The following NKAIN3 variants were observed in gnomAD, a reference collection of about 807,000 sequenced individuals.
NKAIN3 encodes the protein sodium/potassium-transporting ATPase subunit beta-1-interacting protein 3.
In NKAIN3, 25 loss-of-function variants were observed where a neutral mutation model predicts 30.2. The observed-to-expected ratio is 0.83, with a 90% CI of 0.60 to 1.16. NKAIN3 has a LOEUF of 1.16. NKAIN3 is among the 50% of genes most tolerant of loss of function. The pLI is 0.00. For synonymous variants in NKAIN3, 91 were observed against 89.6 expected (o/e 1.02, Z -0.09); for missense variants, 225 against 254.1 (o/e 0.89, Z 0.78).
chr8:62,964,809 A>AT (rs72538978), intron 6 of NKAIN3, among the ~76,000 whole-genome samples: 10,058 of 146,050 alleles, frequency 0.069, 578 homozygotes, highest in East Asian at 0.3. Flanking sequence ...AAAATAAAAA[A>AT]TTTAAAAAAA....
intron 3 of NKAIN3, among the ~76,000 whole-genome samples, chr8:62,615,473 C>T (rs1811425068): frequency 6.6e-6 from 1 of 152,092 alleles, no homozygotes; most frequent in East Asian, 1.9e-4. Flanking sequence ...TTTTGCTGCC[C>T]TAGCTGGTGT....
intron 1 of NKAIN3, among the ~76,000 whole-genome samples, chr8:62,446,554 C>T (rs1233397977): frequency 6.6e-6 from 1 of 152,024 alleles, no homozygotes; most frequent in Non-Finnish European, 1.5e-5. Context: ...ATCATTGTCT[C>T]TAACCTCCAG....
At chr8:62,343,284 G>T (rs1269207408) in intron 1 of NKAIN3, among the ~76,000 whole-genome samples, 1 of 152,004 alleles carries the variant, frequency 6.6e-6, no homozygotes, top group Non-Finnish European at 1.5e-5. Flanking sequence ...TAGGGTTGTT[G>T]TGAGGATTAA....
At chr8:62,272,428 C>A (rs999386469) in intron 1 of NKAIN3, among the ~76,000 whole-genome samples, 4 of 152,144 alleles carry the variant, frequency 2.6e-5, no homozygotes, top group African/African-American at 9.7e-5. Context: ...TAAATAATAT[C>A]CCCAATGAGA....
intron 3 of NKAIN3, among the ~76,000 whole-genome samples, chr8:62,707,142 G>A (rs1814555066): frequency 6.6e-6 from 1 of 151,732 alleles, no homozygotes; most frequent in African/African-American, 2.4e-5. Flanking sequence ...TGAGCATTTT[G>A]GTTGGATCCA....
Position 62,856,075 on chromosome 8 carries a change from T to C in NKAIN3, c.472-62378T>C. ...ACCAAGGGCTTACACCCCATGAGCA[T>C]CAAACCTGGATCATCAAACTGTTTT... On this transcript the variant is annotated intron_variant, in intron 4 of 6. Coordinates refer to ENST00000623646, the MANE Select transcript of NKAIN3 (RefSeq NM_001304533.3). 4.3e-6 allele frequency: 3 copies of C among 702,470 alleles called. No individual in the cohort carries two copies. In the South Asian group the frequency reaches 4.6e-5, roughly 11 times the overall value. 43.5% of individuals were successfully genotyped at this position (702,470 alleles called of 1,614,324 possible).
Position 62,310,776 on chromosome 8 carries a change from G to C in NKAIN3, c.54+61649G>C, listed in dbSNP as rs527588529. On this transcript the variant is annotated intron_variant, in intron 1 of 6. Coordinates refer to ENST00000623646, the MANE Select transcript of NKAIN3 (RefSeq NM_001304533.3). Reference sequence around the variant, plus strand: ...GTACTCATCTGAAATGGAGCTAGCTGGTTATATAAGACCCTGAATCAACCA... The same window carrying C: ...GTACTCATCTGAAATGGAGCTAGCTCGTTATATAAGACCCTGAATCAACCA... Among the ~76,000 whole-genome samples the C allele has an allele frequency of 1.4e-4, 21 of 150,402 alleles. No homozygotes were observed. In the South Asian group the frequency reaches 2.9e-3, roughly 21 times the overall value.
At chr8:62,822,014 G>A (rs190007965) in intron 4 of NKAIN3, among the ~76,000 whole-genome samples, 3 of 152,048 alleles carry the variant, frequency 2.0e-5, no homozygotes, top group East Asian at 3.9e-4. Flanking sequence ...CCACAGATTA[G>A]GGCTGGAAAA....
At position 62,418,763 on chromosome 8, in the gene NKAIN3, G is replaced by T. The variant is rs180753371; in HGVS notation, c.55-160776G>T. On this transcript the variant is annotated intron_variant, in intron 1 of 6. Transcript: ENST00000623646. ...GCTTTGAATCCCTTGAGTATTATTT[G>T]TCTCTGCCCCCATTGTTAAGCAGCA... Among the ~76,000 whole-genome samples the T allele has an allele frequency of 1.1e-3, 162 of 152,136 alleles. 1 individual carries two copies. The highest frequency in any genetic ancestry group is 3.2e-3 in the Admixed American group (49 of 15,274).
chr8:62,912,465 T>C (rs1821949527), intron 4 of NKAIN3, among the ~76,000 whole-genome samples: 1 of 152,194 alleles, frequency 6.6e-6, no homozygotes, highest in South Asian at 2.1e-4. Context: ...TATAAACCTT[T>C]TAAAGAACCT....
rs189010479 is a variant in NKAIN3, at chr8:62,422,714, G to T, written c.55-156825G>T. On this transcript the variant is annotated intron_variant, in intron 1 of 6. Transcript: ENST00000623646. ...TTAGTTGACTGGAGTTAGTATAGGTGTTTACTGTATTCCATCTCTGACTTA... is the reference window on the plus strand; with the variant it reads ...TTAGTTGACTGGAGTTAGTATAGGTTTTTACTGTATTCCATCTCTGACTTA... 2.0e-5 allele frequency among the ~76,000 whole-genome samples: 3 copies of T among 152,038 alleles called. No individual in the cohort carries two copies. In the East Asian group the frequency reaches 5.8e-4, roughly 29 times the overall value.
intron 4 of NKAIN3, among the ~76,000 whole-genome samples, chr8:62,763,094 G>A (rs939705249): frequency 6.0e-5 from 9 of 151,160 alleles, no homozygotes; most frequent in Non-Finnish European, 1.2e-4. Flanking sequence ...GGTGGCGGGC[G>A]CCTGTAGTCC....
In NKAIN3 at chr8:62,552,129, C is replaced by A. The variant is rs145872469; in HGVS notation, c.55-27410C>A. Among the ~76,000 whole-genome samples, 40 of 152,280 alleles carry A rather than the reference C, an allele frequency of 2.6e-4. No homozygotes were observed. The East Asian group carries it at 6.9e-3, about 26-fold the overall frequency. ...GTGAAAGTTGACAGTGAAGACCTCA[C>A]TGATTATTGTTTGAGCTACATTTAC... On this transcript the variant is annotated intron_variant, in intron 1 of 6. Coordinates refer to ENST00000623646, the MANE Select transcript of NKAIN3 (RefSeq NM_001304533.3).
At chr8:62,736,312 A>T (rs1001327697) in intron 3 of NKAIN3, among the ~76,000 whole-genome samples, 2 of 152,094 alleles carry the variant, frequency 1.3e-5, no homozygotes, top group Non-Finnish European at 2.9e-5. Context: ...GGAGCGGATT[A>T]AGTGTGCCTG....
rs1020980058 is a variant in NKAIN3, at chr8:62,972,207, C to A, written c.*6800C>A. On this transcript the variant is annotated 3_prime_UTR_variant, in exon 7 of 7. Transcript: ENST00000623646. ...GAGAGATAAATAAGAAGTATATGAT[C>A]TTTTCTCTTATTTTCTCTCAGTATA... 2.0e-5 allele frequency among the ~76,000 whole-genome samples: 3 copies of A among 152,102 alleles called. No homozygotes were observed. Among genetic ancestry groups the A allele is most frequent in the East Asian group, 3.9e-4 (2 of 5,192 alleles).
chr8:62,922,745 ATT>A (rs10714004), intron 5 of NKAIN3, among the ~76,000 whole-genome samples: 6 of 146,430 alleles, frequency 4.1e-5, no homozygotes, highest in African/African-American at 1.5e-4. Flanking sequence ...CAGTGCATAT[ATT>A]TTTTTTTTTT....
chr8:62,806,998 A>G (rs1409014381), intron 4 of NKAIN3, among the ~76,000 whole-genome samples: 2 of 152,038 alleles, frequency 1.3e-5, no homozygotes, highest in Non-Finnish European at 2.9e-5. Flanking sequence ...ACCCTGCCCA[A>G]AATCATAACT....
At chr8:62,830,475 A>G (rs1477712802) in intron 4 of NKAIN3, among the ~76,000 whole-genome samples, 1 of 152,214 alleles carries the variant, frequency 6.6e-6, no homozygotes, top group Non-Finnish European at 1.5e-5. Context: ...CATACTTAAT[A>G]TAGACTCCTG....
intron 5 of NKAIN3, among the ~76,000 whole-genome samples, chr8:62,952,941 T>C (rs924757367): frequency 6.6e-6 from 1 of 152,190 alleles, no homozygotes; most frequent in Non-Finnish European, 1.5e-5. Context: ...ATTTGAGAAG[T>C]CTTACAATTT....
Sources: allele counts gnomAD v4.1 joint callset (sites outside exome capture counted in the v4.1 genomes callset), GRCh38; gene constraint gnomAD v4.1.1; transcripts MANE v1.5; gene names NCBI Gene and HGNC (gene_info 2026-07-23, HGNC 2026-07-21).